RCOR1: variants seen among roughly 807,000 people sequenced by gnomAD.
RCOR1 encodes the protein REST corepressor 1, also known as REST corepressor.
RCOR1 carries 12 observed loss-of-function variants against 64.0 expected under a neutral mutation model. The ratio of observed to expected loss-of-function variants is 0.19; its 90% CI spans 0.12 to 0.30. RCOR1 has a LOEUF of 0.30. Among genes scored for constraint, RCOR1 ranks in the 10% least tolerant of loss-of-function variants. RCOR1 has a pLI of 1.00. For synonymous variants in RCOR1, 279 were observed against 227.2 expected (o/e 1.23, Z -2.05); for missense variants, 502 against 621.2 (o/e 0.81, Z 2.04).
intron 2 of RCOR1, chr14:102,655,895 G>A (rs1894711803): frequency 1.3e-6 from 1 of 781,930 alleles, no homozygotes; most frequent in African/African-American, 1.9e-5. Context: ...GGAGGTTGCG[G>A]TCAGTCGAGA....
intron 2 of RCOR1, among the ~76,000 whole-genome samples, chr14:102,600,565 C>T (rs1305779283): frequency 7.4e-5 from 11 of 147,666 alleles, no homozygotes; most frequent in African/African-American, 2.8e-4. Flanking sequence ...CCATGCCCAG[C>T]TAATTTTTTT....
chr14:102,726,750 A>T lies in RCOR1; in HGVS notation c.*244A>T. 2.0e-6 allele frequency: 1 copy of T among 499,420 alleles called. No homozygotes were observed. Among genetic ancestry groups the T allele is most frequent in the Non-Finnish European group, 3.5e-6 (1 of 286,738 alleles). The allele number at this position is 499,420 out of a possible 1,614,324, so 30.9% of individuals were successfully genotyped here. On this transcript the variant is annotated 3_prime_UTR_variant, in exon 12 of 12. Transcript: ENST00000262241. ...TCTGCCCACGTGCTGGGGAAGTCTC[A>T]CGGCCTGCACATCTCTTGTGACTCT...
chr14:102,662,522 T>C, intron 2 of RCOR1: 1 of 509,498 alleles, frequency 2.0e-6, no homozygotes. Context: ...GGGGGCGCTC[T>C]TCTGAGGATA....
intron 2 of RCOR1, among the ~76,000 whole-genome samples, chr14:102,626,873 A>G (rs986880487): frequency 1.3e-5 from 2 of 152,096 alleles, no homozygotes; most frequent in Non-Finnish European, 2.9e-5. Flanking sequence ...CATTTGTTAT[A>G]CCTTGTGTAA....
intron 2 of RCOR1, among the ~76,000 whole-genome samples, chr14:102,670,192 C>G (rs942971380): frequency 1.3e-5 from 2 of 152,194 alleles, no homozygotes; most frequent in Non-Finnish European, 2.9e-5. Flanking sequence ...AGCAAGTGAT[C>G]TGCCTGCCTT....
At chr14:102,704,215 T>TAG (rs1305838881) in intron 4 of RCOR1, among the ~76,000 whole-genome samples, 2 of 152,192 alleles carry the variant, frequency 1.3e-5, no homozygotes, top group African/African-American at 2.4e-5. Context: ...TCCTGTACTC[T>TAG]TCTCTAGTCA....
rs71119719 is a variant in RCOR1 at position 102,613,885 on chromosome 14, C to CTTTTTTTTT, written c.361+20576_361+20584dup. ...TAGGTTGTTTTTTGAATTAACTATT[C>CTTTTTTTTT]TTTTTTTTTTTTTTTTTTTTTTTTG... is the stretch of plus-strand genomic sequence containing the variant. On this transcript the variant is annotated intron_variant, in intron 2 of 11. Coordinates refer to ENST00000262241, the MANE Select transcript of RCOR1 (RefSeq NM_015156.4). 2.7e-4 allele frequency among the ~76,000 whole-genome samples: 15 copies of CTTTTTTTTT among 55,498 alleles called. 1 individual carries two copies. The highest frequency in any genetic ancestry group is 9.8e-4 in the African/African-American group (15 of 15,258). The allele number at this position is 55,498 out of a possible 152,430, so 36.4% of individuals were successfully genotyped here.
At chr14:102,716,795 T>G (rs1284189316) in intron 8 of RCOR1, among the ~76,000 whole-genome samples, 1 of 152,238 alleles carries the variant, frequency 6.6e-6, no homozygotes, top group Non-Finnish European at 1.5e-5. Context: ...CAAGATTGTC[T>G]TGGTTATCCC....
chr14:102,703,664 G>T (rs1253190622), intron 4 of RCOR1, among the ~76,000 whole-genome samples: 2 of 152,224 alleles, frequency 1.3e-5, no homozygotes, highest in African/African-American at 4.8e-5. Context: ...CTGCCGGAGA[G>T]TCTCTCTGAA....
intron 11 of RCOR1, 70 bp downstream of exon 11, chr14:102,722,486 G>C: frequency 7.7e-7 from 1 of 1,294,718 alleles, no homozygotes; most frequent in South Asian, 1.3e-5. Context: ...CTAAAGTGAT[G>C]AATTTTTTCA....
At chr14:102,612,327 C>T (rs931210790) in intron 2 of RCOR1, among the ~76,000 whole-genome samples, 1 of 152,050 alleles carries the variant, frequency 6.6e-6, no homozygotes, top group African/African-American at 2.4e-5. Flanking sequence ...ACTGCACTTC[C>T]TGAGTAGCTG....
chr14:102,695,335 T>A (rs1895621649), intron 3 of RCOR1: 1 of 152,226 alleles, frequency 6.6e-6, no homozygotes, highest in African/African-American at 2.4e-5. Context: ...GCTGTTCTAA[T>A]CTGAAGAGCC....
intron 2 of RCOR1, among the ~76,000 whole-genome samples, chr14:102,608,733 A>ATT (rs141544028): frequency 1.4e-5 from 2 of 145,774 alleles, no homozygotes; most frequent in African/African-American, 5.1e-5. Flanking sequence ...TAATTTTAAA[A>ATT]TTTTTTTTTT....
rs939212989 is a variant in RCOR1, at chr14:102,608,012, C to T, written c.361+14687C>T. Among the ~76,000 whole-genome samples, 6 of 151,974 alleles carry T rather than the reference C, an allele frequency of 3.9e-5. No individual in the cohort carries two copies. In the South Asian group the frequency reaches 6.2e-4, roughly 16 times the overall value. ...CAGAGGTTGCCATCAGCCGAGATCA[C>T]GCTACTGCACTCAAGCCCGGGCGAA... On this transcript the variant is annotated intron_variant, in intron 2 of 11. Transcript: ENST00000262241.
intron 3 of RCOR1, among the ~76,000 whole-genome samples, chr14:102,689,266 A>G (rs1895483815): frequency 6.6e-6 from 1 of 152,178 alleles, no homozygotes; most frequent in African/African-American, 2.4e-5. Flanking sequence ...CAAGGGTCTT[A>G]ATGAAATGGA....
chr14:102,620,774 G>C (rs372432645), intron 2 of RCOR1, among the ~76,000 whole-genome samples: 4 of 151,990 alleles, frequency 2.6e-5, no homozygotes, highest in East Asian at 3.9e-4. Context: ...CCTTCCAGTG[G>C]CTCCCATTTC....
chr14:102,612,630 C>G (rs1457825189), intron 2 of RCOR1, among the ~76,000 whole-genome samples: 1 of 151,964 alleles, frequency 6.6e-6, no homozygotes, highest in Non-Finnish European at 1.5e-5. Context: ...GCCACTGCAC[C>G]CAGCCTTGTT....
intron 2 of RCOR1, among the ~76,000 whole-genome samples, chr14:102,627,528 G>T (rs1049870200): frequency 1.5e-4 from 23 of 151,936 alleles, no homozygotes; most frequent in African/African-American, 5.6e-4. Flanking sequence ...GTGGTGGCGG[G>T]TGCCTGTAAT....
chr14:102,653,927 CTTTCTTTCTTTCTTTCT>C (rs1894649187), intron 2 of RCOR1, among the ~76,000 whole-genome samples: 1 of 21,726 alleles, frequency 4.6e-5, no homozygotes, highest in Non-Finnish European at 8.9e-5. Flanking sequence ...TTCCTTCTTT[CTTTCTTTCTTTCTTTCT>C]TTCTTTCTTT....
Sources: gnomAD v4.1 joint callset for allele counts (sites outside exome capture counted in the v4.1 genomes callset) on GRCh38, gnomAD v4.1.1 for gene constraint, MANE v1.5 for transcripts, NCBI Gene and HGNC (gene_info 2026-07-23, HGNC 2026-07-21) for gene names.